NOMO1: variants seen among roughly 807,000 people sequenced by gnomAD.
NOMO1 encodes nodal modulator 3.
NOMO1 carries 40 observed loss-of-function variants against 133.8 expected under a neutral mutation model. The ratio of observed to expected loss-of-function variants is 0.30; its 90% CI spans 0.23 to 0.39. NOMO1 has a LOEUF of 0.39. NOMO1 is among the 10% of genes least tolerant of loss of function. The pLI, the probability that NOMO1 is intolerant of heterozygous loss-of-function variation, is 1.00. For synonymous variants in NOMO1, 236 were observed against 570.5 expected (o/e 0.41, Z 8.36); for missense variants, 462 against 1,419.9 (o/e 0.33, Z 10.84).
chr16:14,874,398 T>G (rs1401576617), intron 18 of NOMO1, among the ~76,000 whole-genome samples: 3 of 152,000 alleles, frequency 2.0e-5, no homozygotes, highest in Non-Finnish European at 4.4e-5. Context: ...GACTTTGCAC[T>G]TGGCATCGCT....
intron 20 of NOMO1, 115 bp downstream of exon 20, chr16:14,875,537 C>A: frequency 1.3e-6 from 1 of 790,568 alleles, no homozygotes; most frequent in Non-Finnish European, 2.1e-6. Context: ...AGCCACCTTA[C>A]ATCCTCTCTG....
intron 26 of NOMO1, among the ~76,000 whole-genome samples, chr16:14,882,910 G>A (rs1352423182): frequency 3.9e-5 from 6 of 152,048 alleles, no homozygotes; most frequent in South Asian, 4.1e-4. Context: ...TATCCTCCCC[G>A]CGACTTGCCC....
intron 5 of NOMO1, 119 bp downstream of exon 5, chr16:14,846,802 T>G: frequency 1.3e-6 from 2 of 1,596,206 alleles, no homozygotes; most frequent in Non-Finnish European, 1.7e-6. Flanking sequence ...TTCAGCCTCT[T>G]TGGGTGAGTT....
intron 28 of NOMO1, among the ~76,000 whole-genome samples, chr16:14,887,724 T>G (rs1447694390): frequency 6.6e-6 from 1 of 152,172 alleles, no homozygotes; most frequent in African/African-American, 2.4e-5. Context: ...CACCCCATGC[T>G]TTCCTGCTAA....
chr16:14,855,156 G>T (rs1963815270), intron 9 of NOMO1, among the ~76,000 whole-genome samples: 1 of 150,254 alleles, frequency 6.7e-6, no homozygotes, highest in South Asian at 2.1e-4. Flanking sequence ...AGGAGAGTTT[G>T]CAGGGTGTCA....
At chr16:14,856,915 G>C (rs1156646070) in intron 9 of NOMO1, among the ~76,000 whole-genome samples, 1 of 151,980 alleles carries the variant, frequency 6.6e-6, no homozygotes, top group Non-Finnish European at 1.5e-5. Flanking sequence ...GGAGGAGATG[G>C]CACCGGGGTA....
intron 26 of NOMO1, among the ~76,000 whole-genome samples, 200 bp from the exon 27 acceptor site, chr16:14,884,172 A>G (rs545227978): frequency 6.6e-6 from 1 of 152,010 alleles, no homozygotes; most frequent in African/African-American, 2.4e-5. Context: ...TGCTTTCGAA[A>G]TGAAATGTGT....
chr16:14,875,598 TG>T (rs1387433477), intron 20 of NOMO1, among the ~76,000 whole-genome samples, 176 bp downstream of exon 20: 592 of 151,488 alleles, frequency 3.9e-3, no homozygotes, highest in Middle Eastern at 0.031. Flanking sequence ...GATGGATGGT[TG>T]GGTTGGATGG....
rs1964422742 is a variant in NOMO1 at position 14,892,648 on chromosome 16, G to A, written c.3445-2350G>A. ...AAAAAAGCTATGCCTGCTGGGGCTTGGATTCCCGAGCAGGGCCAAGTGTTG... is the reference window on the plus strand; with the variant it reads ...AAAAAAGCTATGCCTGCTGGGGCTTAGATTCCCGAGCAGGGCCAAGTGTTG... On this transcript the variant is annotated intron_variant, in intron 29 of 30. Transcript: ENST00000287667. Among the ~76,000 whole-genome samples, 3 of 150,726 alleles carry A rather than the reference G, an allele frequency of 2.0e-5. No individual in the cohort carries two copies. The South Asian group carries it at 6.3e-4, about 32-fold the overall frequency.
At chr16:14,854,314 C>A (rs995804770) in intron 9 of NOMO1, among the ~76,000 whole-genome samples, 4 of 131,626 alleles carry the variant, frequency 3.0e-5, no homozygotes, top group African/African-American at 5.7e-5. Context: ...GGCAAAAATT[C>A]TTGTCCCTGT....
At chr16:14,859,503 G>A (rs1963890820) in intron 11 of NOMO1, among the ~76,000 whole-genome samples, 1 of 151,966 alleles carries the variant, frequency 6.6e-6, no homozygotes, top group Non-Finnish European at 1.5e-5. Flanking sequence ...CTACCAGGGA[G>A]ACAGACTGAA....
intron 23 of NOMO1, 147 bp downstream of exon 23, chr16:14,878,981 G>C (rs1348859090): frequency 1.2e-6 from 1 of 843,316 alleles, no homozygotes; most frequent in Non-Finnish European, 2.0e-6. Context: ...ACGGTCATTA[G>C]AGTATTGCTC....
chr16:14,859,397 A>G (rs1412932945), intron 11 of NOMO1, among the ~76,000 whole-genome samples: 1 of 152,048 alleles, frequency 6.6e-6, no homozygotes, highest in African/African-American at 2.4e-5. Context: ...CCCACCTTCC[A>G]TAAACACTTT....
chr16:14,891,526 T>C (rs974468711), intron 29 of NOMO1, among the ~76,000 whole-genome samples: 36 of 152,086 alleles, frequency 2.4e-4, no homozygotes, highest in Middle Eastern at 3.2e-3. Flanking sequence ...AGGAATTTAT[T>C]GTGTTTTTTT....
At chr16:14,895,245 T>C (rs1350219642) in intron 30 of NOMO1, among the ~76,000 whole-genome samples, 155 bp downstream of exon 30, 4 of 142,898 alleles carry the variant, frequency 2.8e-5, no homozygotes, top group Non-Finnish European at 6.0e-5. Context: ...GACTTAGGTC[T>C]CCTTTCAAGG....
intron 29 of NOMO1, among the ~76,000 whole-genome samples, chr16:14,892,736 C>T (rs1964424324): frequency 6.6e-6 from 1 of 151,350 alleles, no homozygotes; most frequent in Non-Finnish European, 1.5e-5. Flanking sequence ...ATCCTCACAA[C>T]AAGCCTTCGA....
chr16:14,838,624 A>G (rs2151891598), intron 2 of NOMO1, 128 bp downstream of exon 2: 2 of 861,054 alleles, frequency 2.3e-6, no homozygotes, highest in East Asian at 5.2e-5. Flanking sequence ...GGAATATGAT[A>G]ATCCTAGCCA....
At chr16:14,875,649 A>C (rs1036334596) in intron 20 of NOMO1, among the ~76,000 whole-genome samples, 5 of 151,354 alleles carry the variant, frequency 3.3e-5, no homozygotes, top group Non-Finnish European at 7.4e-5. Flanking sequence ...TGGATGAATG[A>C]ATGAATGATT....
chr16:14,883,795 C>A (rs1402533697), intron 26 of NOMO1, among the ~76,000 whole-genome samples: 8 of 150,820 alleles, frequency 5.3e-5, no homozygotes, highest in African/African-American at 7.4e-5. Flanking sequence ...GGAAGGGGGC[C>A]GGCCCTCTGG....
Sources: gnomAD v4.1 joint callset for allele counts (sites outside exome capture counted in the v4.1 genomes callset) on GRCh38, gnomAD v4.1.1 for gene constraint, MANE v1.5 for transcripts, NCBI Gene and HGNC (gene_info 2026-07-23, HGNC 2026-07-21) for gene names.